RPH3AL: variants seen among roughly 807,000 people sequenced by gnomAD.
RPH3AL encodes the protein rab effector Noc2.
RPH3AL carries 38 observed loss-of-function variants against 43.1 expected under a neutral mutation model. The observed-to-expected ratio is 0.88, with a 90% confidence interval of 0.68 to 1.15. RPH3AL has a LOEUF of 1.15. RPH3AL is among the 50% of genes most tolerant of loss of function. The pLI is 0.00. For missense variants in RPH3AL, 462 were observed against 423.2 expected, an observed-to-expected ratio of 1.09 and a Z score of -0.81; for synonymous variants, 189 against 176.3, an observed-to-expected ratio of 1.07 and a Z score of -0.57.
intron 2 of RPH3AL, among the ~76,000 whole-genome samples, chr17:327,945 C>T (rs368577719): frequency 1.1e-4 from 16 of 152,248 alleles, no homozygotes; most frequent in Admixed American, 3.3e-4. Flanking sequence ...CAGCAGGGGC[C>T]GAACTGAGCA....
intron 5 of RPH3AL, among the ~76,000 whole-genome samples, chr17:311,267 C>G (rs373701785): frequency 6.6e-6 from 1 of 152,364 alleles, no homozygotes; most frequent in African/African-American, 2.4e-5. Flanking sequence ...TAAGTCGAAT[C>G]TGCCATTGCA....
chr17:242,266 T>C (rs145664594), intron 7 of RPH3AL, among the ~76,000 whole-genome samples: 2,649 of 127,892 alleles, frequency 0.021, 47 homozygotes, highest in African/African-American at 0.033. Context: ...CCTCTATTGA[T>C]TACCTTCCTC....
chr17:349,241 G>A (rs908944996), intron 1 of RPH3AL: 1 of 152,116 alleles, frequency 6.6e-6, no homozygotes, highest in African/African-American at 2.4e-5. Context: ...GGGTAATTGG[G>A]CAGGAGGGAA....
At chr17:275,899 T>C (rs1597995193) in intron 6 of RPH3AL, among the ~76,000 whole-genome samples, 1 of 152,198 alleles carries the variant, frequency 6.6e-6, no homozygotes, top group East Asian at 1.9e-4. Flanking sequence ...AGTTTATTAA[T>C]CCACCAGCAA....
At chr17:305,604 G>A (rs2043465981) in intron 5 of RPH3AL, among the ~76,000 whole-genome samples, 2 of 152,264 alleles carry the variant, frequency 1.3e-5, no homozygotes, top group African/African-American at 4.8e-5. Flanking sequence ...GGACACCCGA[G>A]TGGAGATACT....
At chr17:294,205 G>A (rs2043114854) in intron 5 of RPH3AL, among the ~76,000 whole-genome samples, 1 of 151,940 alleles carries the variant, frequency 6.6e-6, no homozygotes, top group African/African-American at 2.4e-5. Context: ...GTGCTGATGG[G>A]ATGAAGAGAC....
chr17:314,925 C>A (rs2043874749), intron 5 of RPH3AL, among the ~76,000 whole-genome samples: 3 of 119,222 alleles, frequency 2.5e-5, no homozygotes, highest in Admixed American at 8.2e-5. Flanking sequence ...TCCCTGTGCC[C>A]CACCTCCATT....
At chr17:222,459 G>A (rs962475316) in intron 7 of RPH3AL, among the ~76,000 whole-genome samples, 1 of 152,230 alleles carries the variant, frequency 6.6e-6, no homozygotes, top group Non-Finnish European at 1.5e-5. Flanking sequence ...GATGGGGCTG[G>A]AATCCCAGCA....
In RPH3AL at chr17:333,379, G is replaced by A; in HGVS notation, c.-37+380C>T. The A allele has an allele frequency of 9.7e-7, 1 of 1,035,214 alleles. No individual in the cohort carries two copies. Among genetic ancestry groups the A allele is most frequent in the Non-Finnish European group, 1.3e-6 (1 of 771,816 alleles). 64.1% of individuals were successfully genotyped at this position (1,035,214 alleles called of 1,614,324 possible). Reference sequence around the variant, plus strand: ...CCATGGCGACTCTTAACACCTTAATGTAGCACCTTCCAACTTTTCCTGGGC... The same window carrying A: ...CCATGGCGACTCTTAACACCTTAATATAGCACCTTCCAACTTTTCCTGGGC... On this transcript the variant is annotated intron_variant, in intron 2 of 9. Coordinates refer to ENST00000331302, the MANE Select transcript of RPH3AL (RefSeq NM_006987.4). This position sits in a 1 kb window ranked among gnomAD's most constrained non-coding sequence, Gnocchi z 4.5.
chr17:241,262 G>C (rs1008236868), intron 7 of RPH3AL, among the ~76,000 whole-genome samples: 2 of 150,460 alleles, frequency 1.3e-5, no homozygotes, highest in African/African-American at 4.9e-5. Context: ...TAGGTGCAGT[G>C]GTGTGCACCT....
intron 5 of RPH3AL, among the ~76,000 whole-genome samples, chr17:285,196 TCC>T (rs1178983970): frequency 2.0e-5 from 3 of 151,096 alleles, no homozygotes; most frequent in South Asian, 4.2e-4. Flanking sequence ...GAGCCCTCGG[TCC>T]CCCTGAGCCT....
At chr17:315,413 C>T (rs78216860) in intron 5 of RPH3AL, among the ~76,000 whole-genome samples, 1 of 151,784 alleles carries the variant, frequency 6.6e-6, no homozygotes, top group South Asian at 2.1e-4. Context: ...CCCTGTGCCC[C>T]CACCTCCATT....
rs150111049 is a variant in RPH3AL at position 323,748 on chromosome 17, G to A, written c.78-2333C>T. 2.1e-3 allele frequency among the ~76,000 whole-genome samples: 323 copies of A among 152,278 alleles called. No homozygotes were observed. The highest frequency in any genetic ancestry group is 7.1e-3 in the African/African-American group (295 of 41,540). On this transcript the variant is annotated intron_variant, in intron 3 of 9. Transcript: ENST00000331302. The surrounding 1 kb of genome is among the most constrained non-coding windows in gnomAD (Gnocchi z 4.4). Reference sequence around the variant, plus strand: ...CGAGCTTGTTCTGGGGCTGGTGATGGCACAGGACACTACAGATGTCTTCCA... The same window carrying A: ...CGAGCTTGTTCTGGGGCTGGTGATGACACAGGACACTACAGATGTCTTCCA...
At chr17:316,936 A>C (rs1598111279) in intron 5 of RPH3AL, among the ~76,000 whole-genome samples, 2 of 122,560 alleles carry the variant, frequency 1.6e-5, no homozygotes, top group Admixed American at 8.7e-5. Flanking sequence ...TCTGTGCTCC[A>C]CCTCCATTGA....
intron 7 of RPH3AL, among the ~76,000 whole-genome samples, chr17:230,363 G>A (rs766979764): frequency 6.6e-6 from 1 of 152,252 alleles, no homozygotes; most frequent in East Asian, 1.9e-4. Context: ...GTGGATGGAC[G>A]GAAGAAGAGA....
chr17:270,839 A>T (rs2042445686), intron 6 of RPH3AL, among the ~76,000 whole-genome samples: 1 of 152,192 alleles, frequency 6.6e-6, no homozygotes, highest in African/African-American at 2.4e-5. Flanking sequence ...TTTAGACATG[A>T]AGTCCTTGCC....
Position 266,237 on chromosome 17 carries a change from C to T in RPH3AL, c.438+15531G>A, listed in dbSNP as rs115731650. ...GTGTGTGTGTGTGTGTGTGCGTGCA[C>T]CTGCATGCATGCTGGTGAGCCAGGG... On this transcript the variant is annotated intron_variant, in intron 6 of 9. Transcript: ENST00000331302. 7.0e-3 allele frequency among the ~76,000 whole-genome samples: 1,053 copies of T among 149,618 alleles called. 14 individuals are homozygous for T. The highest frequency in any genetic ancestry group is 0.025 in the African/African-American group (987 of 39,974).
chr17:332,896 G>A (rs2044825137), intron 2 of RPH3AL: 1 of 739,812 alleles, frequency 1.4e-6, no homozygotes, highest in East Asian at 6.6e-5. Context: ...CGGAACCCTT[G>A]TAAAACCCCG....
rs1179307324 is a variant in RPH3AL, at chr17:213,432, C to T, written c.*420G>A. The T allele has an allele frequency of 7.4e-6, 2 of 270,194 alleles. No individual in the cohort carries two copies. Among genetic ancestry groups the T allele is most frequent in the Admixed American group, 5.0e-5 (1 of 19,916 alleles). 16.7% of individuals were successfully genotyped at this position (270,194 alleles called of 1,614,324 possible). ...TCTGATGCTCACCTCTAAGGGGCCA[C>T]ACGCAGCTTCGGAGGCCGTGCCCTA... On this transcript the variant is annotated 3_prime_UTR_variant, in exon 10 of 10. Transcript: ENST00000331302.
Sources: allele counts gnomAD v4.1 joint callset (sites outside exome capture counted in the v4.1 genomes callset), GRCh38; gene constraint gnomAD v4.1.1; non-coding constraint Gnocchi (gnomAD v3.1); transcripts MANE v1.5; gene names NCBI Gene and HGNC (gene_info 2026-07-23, HGNC 2026-07-21).